PARD3B: variants seen among roughly 807,000 people sequenced by gnomAD.
The protein encoded by PARD3B is partitioning defective 3 homolog B.
Under a neutral mutation model 130.2 loss-of-function variants are expected in PARD3B, and 103 were observed. That is an observed-to-expected ratio of 0.79 (90% CI 0.67 to 0.93). The LOEUF (loss-of-function observed/expected upper bound fraction) is 0.93. Ranked by LOEUF, PARD3B falls within the 40% of genes least tolerant of loss-of-function variation. PARD3B has a pLI of 0.00. For missense variants in PARD3B, 1,609 were observed against 1,499.2 expected (o/e 1.07, Z -1.21); for synonymous variants, 583 against 553.2 (o/e 1.05, Z -0.76).
intron 2 of PARD3B, among the ~76,000 whole-genome samples, chr2:204,850,121 C>A (rs943947809): frequency 2.0e-5 from 3 of 152,110 alleles, no homozygotes; most frequent in Middle Eastern, 3.2e-3. Context: ...TTTGCCTTGG[C>A]AAAATTCCAG....
intron 3 of PARD3B, among the ~76,000 whole-genome samples, chr2:205,003,305 C>A (rs1291607762): frequency 6.6e-6 from 1 of 152,080 alleles, no homozygotes; most frequent in East Asian, 1.9e-4. Flanking sequence ...CTTCTACTTG[C>A]GATCTTAATT....
chr2:204,655,719 G>T (rs1392333197), intron 1 of PARD3B, among the ~76,000 whole-genome samples: 3 of 152,088 alleles, frequency 2.0e-5, no homozygotes, highest in Non-Finnish European at 4.4e-5. Flanking sequence ...TAAATCTGTT[G>T]TGGAGGATTA....
chr2:205,139,875 A>G (rs2032803787), intron 10 of PARD3B, among the ~76,000 whole-genome samples: 1 of 152,264 alleles, frequency 6.6e-6, no homozygotes, highest in South Asian at 2.1e-4. Flanking sequence ...CAAACAAGCT[A>G]GTGGCTTACT....
chr2:205,106,184 G>C (rs963478108), intron 5 of PARD3B, among the ~76,000 whole-genome samples: 5 of 151,926 alleles, frequency 3.3e-5, no homozygotes, highest in African/African-American at 1.2e-4. Flanking sequence ...TTTTGCTCTT[G>C]TTACCCAGGC....
intron 3 of PARD3B, among the ~76,000 whole-genome samples, chr2:204,981,075 T>C (rs2125208795): frequency 6.6e-6 from 1 of 152,268 alleles, no homozygotes; most frequent in East Asian, 1.9e-4. Context: ...TATAAATTCA[T>C]CAGAAATTAC....
intron 1 of PARD3B, among the ~76,000 whole-genome samples, chr2:204,679,039 T>A (rs1399922257): frequency 6.6e-6 from 1 of 152,228 alleles, no homozygotes; most frequent in Non-Finnish European, 1.5e-5. Flanking sequence ...GTTATGCATG[T>A]AATCATACAA....
At position 205,383,105 on chromosome 2, in the gene PARD3B, T is replaced by TAGATAGATAGATAGAG. The variant is rs1553500303; in HGVS notation, c.2631-17893_2631-17892insGAGATAGATAGATAGA. Among the ~76,000 whole-genome samples the TAGATAGATAGATAGAG allele has an allele frequency of 7.3e-5, 10 of 136,804 alleles. No individual in the cohort carries two copies. The South Asian group carries it at 7.7e-4, about 11-fold the overall frequency. 89.7% of individuals were successfully genotyped at this position (136,804 alleles called of 152,430 possible). ...TTACATAGATAGATAGATAGATAGA[T>TAGATAGATAGATAGAG]AGATAGATAGATAGATAGATAGATA... is the stretch of plus-strand genomic sequence containing the variant. On this transcript the variant is annotated intron_variant, in intron 18 of 22. Transcript: ENST00000406610.
intron 18 of PARD3B, among the ~76,000 whole-genome samples, chr2:205,356,630 C>T (rs2044202642): frequency 6.6e-6 from 1 of 152,128 alleles, no homozygotes; most frequent in Non-Finnish European, 1.5e-5. Context: ...ATGGCTAACG[C>T]CTATAAACCC....
intron 2 of PARD3B, among the ~76,000 whole-genome samples, chr2:204,794,731 T>C (rs1273342428): frequency 6.6e-6 from 1 of 152,256 alleles, no homozygotes; most frequent in Non-Finnish European, 1.5e-5. Flanking sequence ...TATGGTTTAA[T>C]GACTGGCTCA....
chr2:204,959,099 G>A (rs1690526766), intron 2 of PARD3B, among the ~76,000 whole-genome samples: 1 of 151,956 alleles, frequency 6.6e-6, no homozygotes, highest in Non-Finnish European at 1.5e-5. Context: ...CATGCATTAG[G>A]TGTTTGTCGT....
At chr2:205,114,899 A>G (rs1703919716) in intron 6 of PARD3B, among the ~76,000 whole-genome samples, 1 of 152,092 alleles carries the variant, frequency 6.6e-6, no homozygotes, top group Non-Finnish European at 1.5e-5. Context: ...GTTATGGGTT[A>G]TGGCATAGGA....
chr2:204,820,325 C>A (rs1362409204), intron 2 of PARD3B, among the ~76,000 whole-genome samples: 4 of 151,782 alleles, frequency 2.6e-5, no homozygotes, highest in Non-Finnish European at 5.9e-5. Flanking sequence ...GATCCACCCC[C>A]CTTGGCCTCC....
intron 16 of PARD3B, among the ~76,000 whole-genome samples, chr2:205,257,293 T>C (rs2040129997): frequency 6.6e-6 from 1 of 151,722 alleles, no homozygotes; most frequent in Non-Finnish European, 1.5e-5. Context: ...CATTCAAAGT[T>C]ACCTTTTGAA....
Position 205,269,356 on chromosome 2 carries a change from T to G in PARD3B, c.2185+23534T>G, listed in dbSNP as rs1024275583. Among the ~76,000 whole-genome samples, 2 of 152,168 alleles carry G rather than the reference T, an allele frequency of 1.3e-5. No homozygotes were observed. The highest frequency in any genetic ancestry group is 2.4e-5 in the African/African-American group (1 of 41,444). ...GACTTATTTCAAACTGTTTCCCAAT[T>G]TCAATTTATTCATCCTTTTTACTAG... On this transcript the variant is annotated intron_variant, in intron 16 of 22. Coordinates refer to ENST00000406610, the MANE Select transcript of PARD3B (RefSeq NM_001302769.2). This position sits in a 1 kb window ranked among gnomAD's most constrained non-coding sequence, Gnocchi z 4.7.
At position 205,301,966 on chromosome 2, in the gene PARD3B, T is replaced by G; in HGVS notation, c.2630+265T>G. 1.4e-6 allele frequency: 1 copy of G among 696,152 alleles called. No individual in the cohort carries two copies. Among genetic ancestry groups the G allele is most frequent in the Non-Finnish European group, 2.6e-6 (1 of 382,972 alleles). 43.1% of individuals were successfully genotyped at this position (696,152 alleles called of 1,614,324 possible). A position where few individuals can be genotyped will look rare whatever the true frequency, so the allele number is the denominator to read the frequency against. ...GGCACGGTGGCTCATGCCTGTAATC[T>G]CAGTACTTTGGGAGGCTGGGAGGAT... On this transcript the variant is annotated intron_variant, in intron 18 of 22. Coordinates refer to ENST00000406610, the MANE Select transcript of PARD3B (RefSeq NM_001302769.2). This position sits in a 1 kb window ranked among gnomAD's most constrained non-coding sequence, Gnocchi z 5.2.
chr2:204,866,884 C>T (rs1489640660), intron 2 of PARD3B, among the ~76,000 whole-genome samples: 1 of 151,922 alleles, frequency 6.6e-6, no homozygotes, highest in African/African-American at 2.4e-5. Flanking sequence ...GCCTGGCCAA[C>T]ATGGTGAAAC....
Position 205,122,072 on chromosome 2 carries a change from T to A in PARD3B, c.1165+123T>A. The A allele has an allele frequency of 2.3e-6, 2 of 852,720 alleles. No individual in the cohort carries two copies. Among genetic ancestry groups the A allele is most frequent in the Non-Finnish European group, 3.5e-6 (2 of 567,390 alleles). 52.8% of individuals were successfully genotyped at this position (852,720 alleles called of 1,614,324 possible). On this transcript the variant is annotated intron_variant, in intron 8 of 22. Transcript: ENST00000406610. The surrounding 1 kb of genome is among the most constrained non-coding windows in gnomAD (Gnocchi z 4.3). ...ATTTAATTGTATCAAAGAATAGATT[T>A]AAGTGTATACTTAGGTAACTTAAAT...
chr2:205,041,377 T>A (rs1698389470), intron 3 of PARD3B, among the ~76,000 whole-genome samples: 1 of 152,212 alleles, frequency 6.6e-6, no homozygotes, highest in Admixed American at 6.5e-5. Flanking sequence ...AACCTCCCTA[T>A]TGCTCTTCTT....
intron 2 of PARD3B, among the ~76,000 whole-genome samples, chr2:204,953,093 GTC>G (rs1293080242): frequency 1.5e-4 from 10 of 68,906 alleles, no homozygotes; most frequent in African/African-American, 5.3e-4. Flanking sequence ...GAGAGACAGA[GTC>G]AATGTCACTA....
Sources: allele counts gnomAD v4.1 joint callset (sites outside exome capture counted in the v4.1 genomes callset), GRCh38; gene constraint gnomAD v4.1.1; non-coding constraint Gnocchi (gnomAD v3.1); transcripts MANE v1.5; gene names NCBI Gene and HGNC (gene_info 2026-07-23, HGNC 2026-07-21).